Variants in ZNF704 observed in about 807,000 individuals in gnomAD.
ZNF704 encodes glucocorticoid induced gene 1.
Under a neutral mutation model 44.7 loss-of-function variants are expected in ZNF704, and 10 were observed. The ratio of observed to expected loss-of-function variants is 0.22; its 90% CI spans 0.14 to 0.38. ZNF704 has a LOEUF of 0.38. Among genes scored for constraint, ZNF704 ranks in the 10% least tolerant of loss-of-function variants. ZNF704 has a pLI of 1.00. For synonymous variants in ZNF704, 211 were observed against 207.6 expected (o/e 1.02, Z -0.14); for missense variants, 390 against 545.5 (o/e 0.71, Z 2.84).
chr8:80,802,685 T>C (rs1807922102), intron 2 of ZNF704, among the ~76,000 whole-genome samples: 1 of 152,088 alleles, frequency 6.6e-6, no homozygotes, highest in African/African-American at 2.4e-5. Flanking sequence ...TGAAGGAACA[T>C]ACCTCAAAAT....
intron 1 of ZNF704, among the ~76,000 whole-genome samples, chr8:80,832,038 C>T (rs1420164639): frequency 6.6e-6 from 1 of 152,188 alleles, no homozygotes; most frequent in Non-Finnish European, 1.5e-5. Context: ...CACATTATCC[C>T]ATATAATTTC....
At chr8:80,761,933 C>T (rs754754667) in intron 2 of ZNF704, among the ~76,000 whole-genome samples, 5 of 152,160 alleles carry the variant, frequency 3.3e-5, no homozygotes, top group Non-Finnish European at 7.3e-5. Flanking sequence ...CAATGGGTCA[C>T]CACCATATAT....
chr8:80,811,983 T>C (rs1808091123), intron 2 of ZNF704, among the ~76,000 whole-genome samples: 1 of 152,126 alleles, frequency 6.6e-6, no homozygotes, highest in African/African-American at 2.4e-5. Context: ...AATAATCAAA[T>C]GATAAATGTA....
intron 2 of ZNF704, among the ~76,000 whole-genome samples, chr8:80,719,844 G>T (rs1016318551): frequency 1.3e-5 from 2 of 152,192 alleles, no homozygotes; most frequent in African/African-American, 4.8e-5. Context: ...CTGCCTTCCA[G>T]CTCCGAACTG....
rs1350419885 is a variant in ZNF704, at chr8:80,874,263, C to T, written c.-22+308G>A. The stretch of plus-strand genomic sequence containing the variant: ...GGACGCCGGCGGCCGGCGGCTACGG[C>T]GGGGCGGCGCGGCGGCCGCGGGCGG... On this transcript the variant is annotated intron_variant, in intron 1 of 8. Transcript: ENST00000327835. This position sits in a 1 kb window ranked among gnomAD's most constrained non-coding sequence, Gnocchi z 4.4. Among the ~76,000 whole-genome samples the T allele has an allele frequency of 7.0e-6, 1 of 143,664 alleles. No homozygotes were observed. The highest frequency in any genetic ancestry group is 1.5e-5 in the Non-Finnish European group (1 of 64,988). The allele number at this position is 143,664 out of a possible 152,430, so 94.2% of individuals were successfully genotyped here.
chr8:80,736,304 G>A (rs191210240), intron 2 of ZNF704, among the ~76,000 whole-genome samples: 8 of 152,176 alleles, frequency 5.3e-5, no homozygotes, highest in African/African-American at 1.7e-4. Context: ...TTTTTGAGAC[G>A]CAGTCTCGCT....
chr8:80,833,853 G>C (rs1311790918), intron 1 of ZNF704, among the ~76,000 whole-genome samples: 1 of 152,146 alleles, frequency 6.6e-6, no homozygotes, highest in Non-Finnish European at 1.5e-5. Flanking sequence ...AAATCTGTCT[G>C]CCAGAGGAGT....
intron 1 of ZNF704, among the ~76,000 whole-genome samples, chr8:80,856,001 G>T (rs1051008648): frequency 6.6e-6 from 1 of 152,086 alleles, no homozygotes; most frequent in South Asian, 2.1e-4. Context: ...TTTGTCACCT[G>T]GGCTGGAGTG....
In ZNF704 at chr8:80,690,238, A is replaced by C. The variant is rs1472492538; in HGVS notation, c.325+2766T>G. 3.9e-5 allele frequency among the ~76,000 whole-genome samples: 6 copies of C among 152,236 alleles called. No individual in the cohort carries two copies. In the South Asian group the frequency reaches 8.3e-4, roughly 21 times the overall value. On this transcript the variant is annotated intron_variant, in intron 3 of 8. Transcript: ENST00000327835. ...ACTGTGCTAACGAAAGTTTGCATTG[A>C]AGAGCCAAAAGGTTTATTTTAATTC...
At chr8:80,697,420 G>A (rs1818743747) in intron 2 of ZNF704, among the ~76,000 whole-genome samples, 1 of 152,198 alleles carries the variant, frequency 6.6e-6, no homozygotes, top group East Asian at 1.9e-4. Flanking sequence ...TAGATTAAGA[G>A]GGACACTGCC....
At chr8:80,707,380 A>G (rs1220447215) in intron 2 of ZNF704, among the ~76,000 whole-genome samples, 1 of 152,220 alleles carries the variant, frequency 6.6e-6, no homozygotes, top group Non-Finnish European at 1.5e-5. Context: ...TGAGAACATA[A>G]TATATGGATT....
intron 1 of ZNF704, among the ~76,000 whole-genome samples, chr8:80,824,128 C>T (rs750870145): frequency 6.6e-6 from 1 of 152,044 alleles, no homozygotes; most frequent in South Asian, 2.1e-4. Flanking sequence ...CAAACTTCTC[C>T]GAGCTAAAGG....
chr8:80,679,093 G>T (rs114977755), intron 4 of ZNF704, among the ~76,000 whole-genome samples: 1 of 152,216 alleles, frequency 6.6e-6, no homozygotes, highest in Non-Finnish European at 1.5e-5. Flanking sequence ...CCCTTGTAGA[G>T]CCTCTTAAGG....
intron 2 of ZNF704, among the ~76,000 whole-genome samples, chr8:80,706,430 T>C (rs1161126207): frequency 6.6e-6 from 1 of 152,230 alleles, no homozygotes; most frequent in Non-Finnish European, 1.5e-5. Context: ...TGAAATAGTA[T>C]CATCATTATG....
rs945866548 is a variant in ZNF704 at position 80,742,203 on chromosome 8, G to A, written c.222-49096C>T. ...AGCGGATATTGAAGCCAAAAGAGCT[G>A]CAAGGCGGGACCCTCCATTAGAAAT... On this transcript the variant is annotated intron_variant, in intron 2 of 8. Coordinates refer to ENST00000327835, the MANE Select transcript of ZNF704 (RefSeq NM_001033723.3). 4.6e-5 allele frequency among the ~76,000 whole-genome samples: 7 copies of A among 152,142 alleles called. No homozygotes were observed. In the South Asian group the frequency reaches 1.0e-3, roughly 23 times the overall value.
chr8:80,641,673 G>A (rs376378071), intron 8 of ZNF704, among the ~76,000 whole-genome samples, 196 bp from the exon 9 acceptor site: 3 of 151,944 alleles, frequency 2.0e-5, no homozygotes, highest in Admixed American at 6.6e-5. Flanking sequence ...TTTGAGACCA[G>A]CCTGTCAACA....
intron 2 of ZNF704, among the ~76,000 whole-genome samples, chr8:80,818,461 C>T (rs181420859): frequency 1.3e-5 from 2 of 152,134 alleles, no homozygotes; most frequent in African/African-American, 2.4e-5. Flanking sequence ...ATATAAAATG[C>T]CATAGTATTT....
At chr8:80,776,154 A>G (rs934191668) in intron 2 of ZNF704, among the ~76,000 whole-genome samples, 1 of 152,184 alleles carries the variant, frequency 6.6e-6, no homozygotes, top group Non-Finnish European at 1.5e-5. Flanking sequence ...TCTATAAATA[A>G]TAAGAGTGAC....
rs192884706 is a variant in ZNF704 at position 80,705,957 on chromosome 8, G to A, written c.222-12850C>T. Among the ~76,000 whole-genome samples the A allele has an allele frequency of 2.0e-5, 3 of 152,326 alleles. No individual in the cohort carries two copies. In the East Asian group the frequency reaches 5.8e-4, roughly 29 times the overall value. ...AGGCTGTCAACCAGTCACTCCTGGA[G>A]TCCTGGGGAGCACCTCATCCAGCAG... On this transcript the variant is annotated intron_variant, in intron 2 of 8. Coordinates refer to ENST00000327835, the MANE Select transcript of ZNF704 (RefSeq NM_001033723.3).
Sources: gnomAD v4.1 joint callset for allele counts (sites outside exome capture counted in the v4.1 genomes callset) on GRCh38, gnomAD v4.1.1 for gene constraint, Gnocchi (gnomAD v3.1) non-coding constraint, MANE v1.5 for transcripts, NCBI Gene and HGNC (gene_info 2026-07-23, HGNC 2026-07-21) for gene names.